ZFHX4: variants seen among roughly 807,000 people sequenced by gnomAD.
ZFHX4 encodes zinc finger homeobox 4.
A neutral mutation model predicts 267.6 loss-of-function variants in ZFHX4; 56 were observed. The ratio of observed to expected loss-of-function variants is 0.21; its 90% confidence interval spans 0.17 to 0.26. The LOEUF (loss-of-function observed/expected upper bound fraction) is 0.26. ZFHX4 is among the 10% of genes least tolerant of loss of function. The pLI, the probability that ZFHX4 is intolerant of heterozygous loss-of-function variation, is 1.00. For synonymous variants in ZFHX4, 1,778 were observed against 1,665.6 expected, an observed-to-expected ratio of 1.07 and a Z score of -1.64; for missense variants, 4,332 against 4,420.0, an observed-to-expected ratio of 0.98 and a Z score of 0.56.
rs1018774802 is a variant in ZFHX4, at chr8:76,731,718, A to T, written c.3093+23670A>T. Reference sequence around the variant, plus strand: ...TAGAACAATATTCTATCAATATATAACAAAATTAGTGTCAATATATATTTT... The same window carrying T: ...TAGAACAATATTCTATCAATATATATCAAAATTAGTGTCAATATATATTTT... On this transcript the variant is annotated intron_variant, in intron 3 of 10. Coordinates refer to ENST00000651372, the MANE Select transcript of ZFHX4 (RefSeq NM_024721.5). Among the ~76,000 whole-genome samples the T allele has an allele frequency of 3.3e-5, 5 of 152,116 alleles. 1 individual carries two copies. The highest frequency in any genetic ancestry group is 3.3e-4 in the Admixed American group (5 of 15,270).
At chr8:76,833,427 T>G in intron 5 of ZFHX4, 21 bp downstream of exon 5, 1 of 1,567,670 alleles carries the variant, frequency 6.4e-7, no homozygotes, top group Non-Finnish European at 8.7e-7. Flanking sequence ...CTACTCCTTC[T>G]CAAAATATTT....
intron 3 of ZFHX4, 27 bp downstream of exon 3, chr8:76,708,075 GCA>G: frequency 1.2e-6 from 2 of 1,609,984 alleles, no homozygotes; most frequent in East Asian, 4.5e-5. Flanking sequence ...ATTTCCGTTG[GCA>G]CAGAGTAGAA....
At chr8:76,723,810 G>A (rs1043544197) in intron 3 of ZFHX4, among the ~76,000 whole-genome samples, 7 of 151,916 alleles carry the variant, frequency 4.6e-5, no homozygotes, top group Admixed American at 3.3e-4. Flanking sequence ...CATTTGTGTC[G>A]TCAGTACCTT....
chr8:76,862,913 A>G (rs777112182), intron 10 of ZFHX4, among the ~76,000 whole-genome samples, 181 bp from the exon 11 acceptor site: 10 of 152,228 alleles, frequency 6.6e-5, no homozygotes, highest in Non-Finnish European at 1.3e-4. Context: ...AAGAAATATT[A>G]TAAACACAGG....
At position 76,849,070 on chromosome 8, in the gene ZFHX4, A is replaced by C; in HGVS notation, c.3587A>C (p.Glu1196Ala). ...CAGCCACTCCTGCTGGCAAAAGAAG[A>C]GGATGTTGCAACAAAAAGGTCAAAA... ...GTQPLLLAKE[E>A]DVATKRSKPT... The change falls in exon 7 of 11, where the codon GAG (glutamate) becomes GCG (alanine). Residue 1196 changes from glutamate to alanine, a missense_variant. By Grantham distance (107) the Glu-to-Ala change is moderately radical (BLOSUM62 -1). Around this residue, in one of 7 missense-constraint regions of ZFHX4, gnomAD observed 1,371 missense variants for 1,423.1 expected, o/e 0.96. Transcript: ENST00000651372. The C allele has an allele frequency of 6.4e-7, 1 of 1,569,896 alleles. No individual in the cohort carries two copies. Among genetic ancestry groups the C allele is most frequent in the Non-Finnish European group, 8.6e-7 (1 of 1,156,926 alleles).
At position 76,851,944 on chromosome 8, in the gene ZFHX4, A is replaced by T. The variant is rs1812539415; in HGVS notation, c.5023A>T (p.Thr1675Ser). The T allele has an allele frequency of 6.2e-7, 1 of 1,613,528 alleles. No individual in the cohort carries two copies. Among genetic ancestry groups the T allele is most frequent in the Non-Finnish European group, 8.5e-7 (1 of 1,179,800 alleles). Residue 1675 changes from threonine (T) to serine (S), a missense_variant, in exon 10 of 11, where the codon ACT becomes TCT. Around this residue, in one of 7 missense-constraint regions of ZFHX4, gnomAD observed 1,371 missense variants for 1,423.1 expected, o/e 0.96. Transcript: ENST00000651372. Reference sequence around the variant, plus strand: ...TGCCAAAGAATTAAATAAAAAGCAAACTCCTGATTTAATCTCTGCTCAACC... The same window carrying T: ...TGCCAAAGAATTAAATAAAAAGCAATCTCCTGATTTAATCTCTGCTCAACC... ...LDAKELNKKQ[T>S]PDLISAQPAH... is the part of the protein sequence containing the mutation.
intron 3 of ZFHX4, among the ~76,000 whole-genome samples, chr8:76,752,195 A>T (rs2131708371): frequency 6.6e-6 from 1 of 152,284 alleles, no homozygotes; most frequent in South Asian, 2.1e-4. Flanking sequence ...TGATAATGGT[A>T]TTTCAATGGT....
chr8:76,741,862 T>A (rs1052553372), intron 3 of ZFHX4, among the ~76,000 whole-genome samples: 1 of 152,206 alleles, frequency 6.6e-6, no homozygotes, highest in Non-Finnish European at 1.5e-5. Context: ...GAGATGACCA[T>A]GCTCTTAGCC....
In ZFHX4 at chr8:76,706,612, C is replaced by A. The variant is rs1808282089; in HGVS notation, c.2524C>A (p.Pro842Thr). The change falls in exon 2 of 11, where the codon CCT becomes ACT. Residue 842 changes from proline to threonine, a missense_variant. Transcript: ENST00000651372. ...AATGAAGCTGGAAAACCCTGCCGAC[C>A]CTCAGCTGATGATCAATCCATTCCA... ...TGMKLENPAD[P>T]QLMINPFQLD... The A allele has an allele frequency of 3.7e-6, 6 of 1,608,204 alleles. No individual in the cohort carries two copies. The highest frequency in any genetic ancestry group is 1.7e-5 in the Admixed American group (1 of 59,504).
chr8:76,768,418 C>T (rs921320879), intron 3 of ZFHX4, among the ~76,000 whole-genome samples: 7 of 152,070 alleles, frequency 4.6e-5, no homozygotes, highest in African/African-American at 1.7e-4. Context: ...TATACTCAAG[C>T]TGGCCATTGA....
At position 76,863,446 on chromosome 8, in the gene ZFHX4, G is replaced by A; in HGVS notation, c.9732G>A (p.Gln3244=). ...CACATGTCGATCCTATTCAGTTGCA[G>A]GCATTACAGAATGCAATTGCTGGTG... ...GETHVDPIQL[Q]ALQNAIAGDP... The change falls in exon 11 of 11, where the codon CAG becomes CAA. Residue 3244 remains glutamine, a synonymous_variant. Coordinates refer to ENST00000651372, the MANE Select transcript of ZFHX4 (RefSeq NM_024721.5). The A allele has an allele frequency of 6.2e-7, 1 of 1,613,910 alleles. No individual in the cohort carries two copies. The highest frequency in any genetic ancestry group is 2.2e-5 in the East Asian group (1 of 44,882).
chr8:76,794,246 G>T (rs533082709), intron 4 of ZFHX4, among the ~76,000 whole-genome samples: 3 of 152,224 alleles, frequency 2.0e-5, no homozygotes, highest in South Asian at 2.1e-4. Context: ...GCTATAGCTG[G>T]AAGGTTAAAA....
chr8:76,809,506 G>A (rs181847743), intron 4 of ZFHX4, among the ~76,000 whole-genome samples: 82 of 152,230 alleles, frequency 5.4e-4, no homozygotes, highest in Non-Finnish European at 2.6e-4. Context: ...TAAAGTAAAC[G>A]AAGGTACTTG....
Position 76,853,198 on chromosome 8 carries a change from C to T in ZFHX4, c.6277C>T (p.Pro2093Ser), listed in dbSNP as rs1812598547. ...ACCTGTGCAACACCCTGCGCTTCCTCCCCAGCTTGCCCTGCAGCTGCCACA... is the reference window on the plus strand; with the variant it reads ...ACCTGTGCAACACCCTGCGCTTCCTTCCCAGCTTGCCCTGCAGCTGCCACA... ...MQPVQHPALP[P>S]QLALQLPQMD... Residue 2093 changes from proline to serine, a missense_variant, in exon 10 of 11, where the codon CCC (proline) becomes TCC (serine). Physicochemically the swap from Pro to Ser is moderately conservative, Grantham distance 74 (BLOSUM62 -1). This residue lies in a region of ZFHX4 where 1,371 missense variants were observed against 1,423.1 expected (regional missense o/e 0.96). Coordinates refer to ENST00000651372, the MANE Select transcript of ZFHX4 (RefSeq NM_024721.5). The T allele has an allele frequency of 6.4e-7, 1 of 1,558,302 alleles. No individual in the cohort carries two copies. Among genetic ancestry groups the T allele is most frequent in the Non-Finnish European group, 8.7e-7 (1 of 1,150,792 alleles).
Position 76,844,742 on chromosome 8 carries a change from G to A in ZFHX4, c.3511+1971G>A, listed in dbSNP as rs536682638. Among the ~76,000 whole-genome samples the A allele has an allele frequency of 1.1e-4, 17 of 152,048 alleles. No individual in the cohort carries two copies. In the South Asian group the frequency reaches 2.3e-3, roughly 20 times the overall value. ...AATGCCTTCCTGGGTTTTTCTGTAG[G>A]GATAAAAAATAAGCTCTAGGCAAGG... On this transcript the variant is annotated intron_variant, in intron 6 of 10. Coordinates refer to ENST00000651372, the MANE Select transcript of ZFHX4 (RefSeq NM_024721.5).
chr8:76,813,983 A>G (rs754114776), intron 4 of ZFHX4, among the ~76,000 whole-genome samples: 5 of 151,994 alleles, frequency 3.3e-5, no homozygotes, highest in Non-Finnish European at 5.9e-5. Context: ...TATATTAATG[A>G]TCAGCTGATT....
At chr8:76,782,172 T>G in intron 4 of ZFHX4, 2 of 446,264 alleles carry the variant, frequency 4.5e-6, no homozygotes, top group Non-Finnish European at 9.0e-6. Context: ...CTGGAGCGCT[T>G]GTAATTTCCT....
At chr8:76,728,762 C>A (rs1808922368) in intron 3 of ZFHX4, among the ~76,000 whole-genome samples, 1 of 152,120 alleles carries the variant, frequency 6.6e-6, no homozygotes, top group African/African-American at 2.4e-5. Flanking sequence ...AGCACCCCCC[C>A]AATCTTTATG....
At chr8:76,826,779 C>A (rs1811796668) in intron 4 of ZFHX4, among the ~76,000 whole-genome samples, 1 of 152,154 alleles carries the variant, frequency 6.6e-6, no homozygotes. Context: ...AGATCTGCTG[C>A]ACAACATTAT....
Sources: gnomAD v4.1 joint callset for allele counts (sites outside exome capture counted in the v4.1 genomes callset) on GRCh38, gnomAD v4.1.1 for gene constraint, gnomAD v4.1.1 regional missense constraint, MANE v1.5 for transcripts, NCBI Gene and HGNC (gene_info 2026-07-23, HGNC 2026-07-21) for gene names.